CALD1: variants seen among roughly 807,000 people sequenced by gnomAD.
CALD1 encodes caldesmon 1, also known as caldesmon.
Under a neutral mutation model 99.9 loss-of-function variants are expected in CALD1, and 33 were observed. The ratio of observed to expected loss-of-function variants is 0.33; its 90% CI spans 0.25 to 0.44. The LOEUF (loss-of-function observed/expected upper bound fraction) is 0.44. Ranked by LOEUF, CALD1 falls within the 20% of genes least tolerant of loss-of-function variation. CALD1 has a pLI of 1.00. For synonymous variants in CALD1, 310 were observed against 325.0 expected (o/e 0.95, Z 0.50); for missense variants, 861 against 962.1 (o/e 0.89, Z 1.39).
intron 3 of CALD1, among the ~76,000 whole-genome samples, chr7:134,919,566 T>C (rs1030910059): frequency 2.0e-5 from 3 of 152,236 alleles, no homozygotes; most frequent in South Asian, 2.1e-4. Context: ...CAGTGTTTTA[T>C]TATTGAGAGC....
intron 3 of CALD1, among the ~76,000 whole-genome samples, chr7:134,900,563 C>T (rs1281011771): frequency 6.6e-6 from 1 of 152,140 alleles, no homozygotes; most frequent in African/African-American, 2.4e-5. Context: ...CCTCGCAGCA[C>T]TAAATGGGTA....
chr7:134,889,348 G>A (rs1447980620), intron 3 of CALD1, among the ~76,000 whole-genome samples: 1 of 152,116 alleles, frequency 6.6e-6, no homozygotes, highest in Non-Finnish European at 1.5e-5. Context: ...CAGTCTGTCT[G>A]CCCACCCTGA....
chr7:134,773,782 C>CTG (rs36104737), intron 1 of CALD1, among the ~76,000 whole-genome samples: 11,330 of 138,574 alleles, frequency 0.082, 444 homozygotes, highest in East Asian at 0.12. Flanking sequence ...AACCTCTCTT[C>CTG]TGTGTGTGTG....
chr7:134,829,233 G>A (rs982162317), intron 1 of CALD1, among the ~76,000 whole-genome samples: 8 of 152,202 alleles, frequency 5.3e-5, no homozygotes, highest in African/African-American at 1.9e-4. Context: ...GATTGTACAT[G>A]AAGACAAAGA....
Position 134,968,659 on chromosome 7 carries a change from A to C in CALD1, c.*314A>C. 1.7e-6 allele frequency: 1 copy of C among 578,434 alleles called. No homozygotes were observed. Among genetic ancestry groups the C allele is most frequent in the South Asian group, 1.6e-5 (1 of 61,054 alleles). The allele number at this position is 578,434 out of a possible 1,614,324, so 35.8% of individuals were successfully genotyped here. A position where few individuals can be genotyped will look rare whatever the true frequency, so the allele number is the denominator to read the frequency against. On this transcript the variant is annotated 3_prime_UTR_variant, in exon 15 of 15. Coordinates refer to ENST00000361675, the MANE Select transcript of CALD1 (RefSeq NM_033138.4). ...ACCAACCACATCTGAAGTCAACAGA[A>C]GATCCAAGTTTAAAATTGCCTGCGG...
intron 2 of CALD1, among the ~76,000 whole-genome samples, chr7:134,864,858 C>A (rs957273336): frequency 2.6e-5 from 4 of 152,260 alleles, no homozygotes; most frequent in Admixed American, 1.3e-4. Context: ...CCCCTCTTTA[C>A]AAAAGAAGTC....
intron 3 of CALD1, among the ~76,000 whole-genome samples, chr7:134,892,224 G>C (rs1018038658): frequency 6.6e-6 from 1 of 152,144 alleles, no homozygotes; most frequent in African/African-American, 2.4e-5. Flanking sequence ...TGAAATCCTG[G>C]AATGTTAAAG....
the CALD1 span, among the ~76,000 whole-genome samples, chr7:134,712,457 T>C: frequency 2.6e-5 from 4 of 152,178 alleles, no homozygotes; most frequent in African/African-American, 7.2e-5. Flanking sequence ...TGGTTTCAAC[T>C]GGATACACGC....
chr7:134,842,688 C>T (rs1364584161), intron 1 of CALD1, among the ~76,000 whole-genome samples: 1 of 152,126 alleles, frequency 6.6e-6, no homozygotes, highest in Non-Finnish European at 1.5e-5. Flanking sequence ...TGGAAAATGC[C>T]ATCTTTCTGA....
At chr7:134,935,446 C>T (rs562809843) in intron 5 of CALD1, among the ~76,000 whole-genome samples, 29 of 152,210 alleles carry the variant, frequency 1.9e-4, no homozygotes, top group East Asian at 1.4e-3. Context: ...TGTAAACACA[C>T]GAGGAGTGCC....
rs1264830373 is a variant in CALD1 at position 134,947,723 on chromosome 7, A to C, written c.1748A>C (p.Glu583Ala). 6.2e-7 allele frequency: 1 copy of C among 1,613,656 alleles called. No individual in the cohort carries two copies. Among genetic ancestry groups the C allele is most frequent in the African/African-American group, 1.3e-5 (1 of 74,930 alleles). Residue 583 changes from glutamate to alanine, a missense_variant, in exon 8 of 15, where the codon GAG becomes GCG. Glu to Ala is a moderately radical substitution (Grantham distance 107, BLOSUM62 -1). Transcript: ENST00000361675. ...AGAAGGAAGGTCCTGGAGGAGGAAG[A>C]GCAGAGGAGGAAGCAGGAGGAAGCC... ...EERRKVLEEE[E>A]QRRKQEEADR...
chr7:134,920,536 G>C, intron 3 of CALD1: 2 of 1,236,526 alleles, frequency 1.6e-6, no homozygotes, highest in Non-Finnish European at 2.1e-6. Context: ...TTCATGGGGA[G>C]TGTATTGCTG....
chr7:134,902,428 A>G (rs528797532), intron 3 of CALD1, among the ~76,000 whole-genome samples: 4 of 152,194 alleles, frequency 2.6e-5, no homozygotes, highest in African/African-American at 7.2e-5. Context: ...TGATCCAGGG[A>G]AGTATCATGA....
At chr7:134,957,200 T>C (rs1024671933) in intron 9 of CALD1, among the ~76,000 whole-genome samples, 2 of 152,208 alleles carry the variant, frequency 1.3e-5, no homozygotes, top group Non-Finnish European at 2.9e-5. Flanking sequence ...AGTTCAGCAA[T>C]AGGCTTGATC....
chr7:134,922,773 T>G (rs1353626182), intron 3 of CALD1, among the ~76,000 whole-genome samples: 1 of 152,244 alleles, frequency 6.6e-6, no homozygotes, highest in African/African-American at 2.4e-5. Flanking sequence ...AGACTTTAAT[T>G]CATTTGAACT....
chr7:134,854,587 G>A (rs1800220335), intron 2 of CALD1, among the ~76,000 whole-genome samples: 2 of 152,134 alleles, frequency 1.3e-5, no homozygotes, highest in Non-Finnish European at 2.9e-5. Context: ...TGAAGGTCAC[G>A]GCGGGATGGG....
At chr7:134,920,448 T>C in intron 3 of CALD1, 1 of 970,368 alleles carries the variant, frequency 1.0e-6, no homozygotes. Context: ...ATGATGGGAA[T>C]CAAATAAAAG....
chr7:134,740,749 G>A (rs1391152184), upstream of CALD1, among the ~76,000 whole-genome samples: 3 of 152,184 alleles, frequency 2.0e-5, no homozygotes, highest in South Asian at 2.1e-4. Flanking sequence ...CATACTGCTG[G>A]TAACCTTTTT....
intron 1 of CALD1, among the ~76,000 whole-genome samples, chr7:134,843,172 G>C (rs1461408304): frequency 2.0e-5 from 3 of 152,082 alleles, no homozygotes. Flanking sequence ...AGAGACCTTT[G>C]GCAACTGCTT....
Sources: allele counts gnomAD v4.1 joint callset (sites outside exome capture counted in the v4.1 genomes callset), GRCh38; gene constraint gnomAD v4.1.1; transcripts MANE v1.5; gene names NCBI Gene and HGNC (gene_info 2026-07-23, HGNC 2026-07-21).